The following NMNAT2 variants were observed in gnomAD, a reference collection of about 807,000 sequenced individuals.
NMNAT2 encodes nicotinamide/nicotinic acid mononucleotide adenylyltransferase 2.
In NMNAT2, 11 loss-of-function variants were observed where a neutral mutation model predicts 41.6. The observed-to-expected ratio is 0.26, with a 90% CI of 0.17 to 0.44. The LOEUF is 0.44. Ranked by LOEUF, NMNAT2 falls within the 20% of genes least tolerant of loss-of-function variation. The probability of loss-of-function intolerance (pLI) is 1.00; values close to 1 mark genes in which losing one functional copy is unlikely to be tolerated. For missense variants in NMNAT2, 288 were observed against 407.7 expected, an observed-to-expected ratio of 0.71 and a Z score of 2.53; for synonymous variants, 148 against 151.2, an observed-to-expected ratio of 0.98 and a Z score of 0.16.
chr1:183,261,016 G>A lies in NMNAT2; in HGVS notation c.807C>T (p.Ser269=), dbSNP rs762214018. 4 of 1,613,448 alleles carry A rather than the reference G, an allele frequency of 2.5e-6. No individual in the cohort carries two copies. The South Asian group carries it at 4.4e-5, about 18-fold the overall frequency. ...DDINHPMSVV[S]STKSRLALQH... is the part of the protein sequence containing the mutation. The stretch of plus-strand genomic sequence containing the variant: ...GTCAAACATACCTGCTCTTGGTTGA[G>A]CTGACAACAGACATGGGATGGTTGA... Residue 269 remains serine (S), a synonymous_variant, in exon 10 of 11, where the codon AGC becomes AGT. Coordinates refer to ENST00000287713, the MANE Select transcript of NMNAT2 (RefSeq NM_015039.4).
intron 8 of NMNAT2, among the ~76,000 whole-genome samples, chr1:183,262,989 C>G (rs1319117156): frequency 1.3e-5 from 2 of 152,244 alleles, no homozygotes; most frequent in Non-Finnish European, 2.9e-5. Context: ...GTGGCCCCTT[C>G]TCTCCAGAGG....
chr1:183,320,097 A>T (rs1227236623), intron 1 of NMNAT2, among the ~76,000 whole-genome samples: 1 of 152,238 alleles, frequency 6.6e-6, no homozygotes, highest in Non-Finnish European at 1.5e-5. Context: ...TTCCTGATGA[A>T]GGAGAAATAA....
rs1397335135 is a variant in NMNAT2, at chr1:183,293,746, C to T, written c.133G>A (p.Gly45Ser). ...TCGTGGACAGGGGAGACAATCCCGC[C>T]AATCACAATAAACCTTCCAGTTTTG... Reference protein sequence around the residue: ...LHKTGRFIVIGGIVSPVHDSY... With the variant: ...LHKTGRFIVISGIVSPVHDSY... Residue 45 changes from glycine (G) to serine (S), a missense_variant, in exon 2 of 11, where the codon GGC (glycine) becomes AGC (serine). By Grantham distance (56) the Gly-to-Ser change is moderately conservative. Transcript: ENST00000287713. 1.2e-6 allele frequency: 2 copies of T among 1,614,146 alleles called. No individual in the cohort carries two copies. The highest frequency in any genetic ancestry group is 1.7e-6 in the Non-Finnish European group (2 of 1,180,006).
chr1:183,345,787 C>T (rs999076333), intron 1 of NMNAT2, among the ~76,000 whole-genome samples: 7 of 151,818 alleles, frequency 4.6e-5, no homozygotes, highest in South Asian at 4.2e-4. Context: ...CCCGGGTTCA[C>T]GCCATTCTCC....
chr1:183,385,218 A>C (rs1457135727), intron 1 of NMNAT2, among the ~76,000 whole-genome samples: 1 of 152,062 alleles, frequency 6.6e-6, no homozygotes, highest in Non-Finnish European at 1.5e-5. Flanking sequence ...AAACAACAAA[A>C]TATGGAATAG....
chr1:183,386,743 C>A (rs1386162536), intron 1 of NMNAT2, among the ~76,000 whole-genome samples: 1 of 151,858 alleles, frequency 6.6e-6, no homozygotes, highest in Non-Finnish European at 1.5e-5. Context: ...TTAACAATTA[C>A]AAAAGCAGTA....
At chr1:183,288,424 A>AG (rs1205864567) in intron 4 of NMNAT2, among the ~76,000 whole-genome samples, 1 of 152,168 alleles carries the variant, frequency 6.6e-6, no homozygotes, top group Non-Finnish European at 1.5e-5. Flanking sequence ...GCTCCAAGAC[A>AG]GGGGGGCCGG....
At chr1:183,388,278 A>G (rs1648320166) in intron 1 of NMNAT2, among the ~76,000 whole-genome samples, 1 of 151,632 alleles carries the variant, frequency 6.6e-6, no homozygotes, top group Admixed American at 6.6e-5. Flanking sequence ...ATGGAGGCGC[A>G]CACATTTATT....
chr1:183,412,825 G>A (rs1251716329), intron 1 of NMNAT2, among the ~76,000 whole-genome samples: 1 of 152,212 alleles, frequency 6.6e-6, no homozygotes, highest in Non-Finnish European at 1.5e-5. Context: ...TAGGGAATAT[G>A]CTTTACTATC....
chr1:183,251,702 A>T lies in NMNAT2; in HGVS notation c.*939T>A, dbSNP rs1015057676. On this transcript the variant is annotated 3_prime_UTR_variant, in exon 11 of 11. Transcript: ENST00000287713. The stretch of plus-strand genomic sequence containing the variant: ...GAACAGATGCCACCAGGAAATGAGG[A>T]TGGACTGGCTCTGTGTGATCATAAG... 6.5e-6 allele frequency: 1 copy of T among 152,816 alleles called. No individual in the cohort carries two copies. The highest frequency in any genetic ancestry group is 2.4e-5 in the African/African-American group (1 of 41,450). 9.5% of individuals were successfully genotyped at this position (152,816 alleles called of 1,614,324 possible).
intron 3 of NMNAT2, among the ~76,000 whole-genome samples, chr1:183,292,292 C>T (rs538973829): frequency 6.6e-6 from 1 of 152,202 alleles, no homozygotes; most frequent in Non-Finnish European, 1.5e-5. Context: ...GAAAGCCACC[C>T]AGTGGGTGTG....
chr1:183,313,222 T>C (rs999203336), intron 1 of NMNAT2, among the ~76,000 whole-genome samples: 5 of 152,116 alleles, frequency 3.3e-5, no homozygotes, highest in African/African-American at 1.2e-4. Flanking sequence ...TTAAAATACT[T>C]GTGATTTAAA....
chr1:183,289,989 C>T (rs1049864032), intron 4 of NMNAT2, 139 bp downstream of exon 4: 30 of 631,570 alleles, frequency 4.8e-5, no homozygotes, highest in Middle Eastern at 4.3e-4. Flanking sequence ...CTCTCACAAC[C>T]GGCAGAGAAA....
chr1:183,264,562 T>C (rs757357831), intron 8 of NMNAT2, among the ~76,000 whole-genome samples: 7 of 152,154 alleles, frequency 4.6e-5, no homozygotes, highest in Non-Finnish European at 5.9e-5. Flanking sequence ...GACACTGTTT[T>C]TGTAGCACCT....
intron 8 of NMNAT2, among the ~76,000 whole-genome samples, chr1:183,269,821 C>T (rs1185777055): frequency 6.6e-6 from 1 of 152,204 alleles, no homozygotes; most frequent in Non-Finnish European, 1.5e-5. Context: ...GCCTTAAAGA[C>T]TCTTTCCTCC....
At chr1:183,355,064 C>A (rs1663153769) in intron 1 of NMNAT2, among the ~76,000 whole-genome samples, 1 of 152,194 alleles carries the variant, frequency 6.6e-6, no homozygotes, top group Middle Eastern at 3.2e-3. Flanking sequence ...AACCCCTGGC[C>A]CACCCACTGC....
Position 183,291,962 on chromosome 1 carries a change from C to T in NMNAT2, c.242+828G>A, listed in dbSNP as rs78051476. 5.9e-4 allele frequency among the ~76,000 whole-genome samples: 90 copies of T among 152,218 alleles called. 1 individual carries two copies. In the East Asian group the frequency reaches 0.017, roughly 28 times the overall value. ...TTATTACTGTGGCTTCCCTTCACTG[C>T]TCTCATTCCCGCCCACCCCGCTCTT... On this transcript the variant is annotated intron_variant, in intron 3 of 10. Transcript: ENST00000287713.
chr1:183,353,873 C>A (rs1190072294), intron 1 of NMNAT2, among the ~76,000 whole-genome samples: 1 of 151,976 alleles, frequency 6.6e-6, no homozygotes, highest in Non-Finnish European at 1.5e-5. Context: ...GAGTGAGAGG[C>A]CCCAGTGAGA....
At chr1:183,335,513 G>A (rs1009235397) in intron 1 of NMNAT2, among the ~76,000 whole-genome samples, 1 of 152,234 alleles carries the variant, frequency 6.6e-6, no homozygotes, top group African/African-American at 2.4e-5. Context: ...TTTTGCAACA[G>A]CCAAGCTTGA....
Sources: allele counts gnomAD v4.1 joint callset (sites outside exome capture counted in the v4.1 genomes callset), GRCh38; gene constraint gnomAD v4.1.1; transcripts MANE v1.5; gene names NCBI Gene and HGNC (gene_info 2026-07-23, HGNC 2026-07-21).